Variants in VPS13B observed in about 807,000 individuals in gnomAD.
VPS13B encodes vacuolar protein sorting 13 homolog B.
Under a neutral mutation model 426.4 loss-of-function variants are expected in VPS13B, and 285 were observed. That is an observed-to-expected ratio of 0.67 (90% CI 0.61 to 0.74). The LOEUF is 0.74. VPS13B is among the 30% of genes least tolerant of loss of function. The pLI, the probability that VPS13B is intolerant of heterozygous loss-of-function variation, is 0.00. For synonymous variants in VPS13B, 1,676 were observed against 1,676.4 expected, an observed-to-expected ratio of 1.00 and a Z score of 0.01; for missense variants, 4,537 against 4,782.6, an observed-to-expected ratio of 0.95 and a Z score of 1.51.
At chr8:99,663,129 A>G (rs1250872526) in intron 35 of VPS13B, among the ~76,000 whole-genome samples, 1 of 152,188 alleles carries the variant, frequency 6.6e-6, no homozygotes, top group African/African-American at 2.4e-5. Flanking sequence ...CCCGCAAGGC[A>G]TGAATTTTAA....
intron 27 of VPS13B, among the ~76,000 whole-genome samples, chr8:99,504,102 C>T (rs1269096736): frequency 1.3e-5 from 2 of 152,156 alleles, no homozygotes; most frequent in Non-Finnish European, 2.9e-5. Context: ...CTTGGTGCCT[C>T]CCCATGGTGA....
chr8:99,117,354 T>C (rs1847710041), intron 7 of VPS13B, among the ~76,000 whole-genome samples: 1 of 152,108 alleles, frequency 6.6e-6, no homozygotes, highest in Non-Finnish European at 1.5e-5. Flanking sequence ...GAGTGTAAAA[T>C]GGTATAGTTG....
chr8:99,214,977 A>C (rs1815306307), intron 17 of VPS13B, among the ~76,000 whole-genome samples: 1 of 152,110 alleles, frequency 6.6e-6, no homozygotes, highest in Non-Finnish European at 1.5e-5. Flanking sequence ...CTCTCTATTT[A>C]ATCTATTTAT....
At chr8:99,623,399 T>C (rs1266008082) in intron 33 of VPS13B, among the ~76,000 whole-genome samples, 1 of 152,196 alleles carries the variant, frequency 6.6e-6, no homozygotes, top group African/African-American at 2.4e-5. Flanking sequence ...ACATACTGCA[T>C]ATTATTTACT....
intron 33 of VPS13B, among the ~76,000 whole-genome samples, chr8:99,630,598 T>TTTCC (rs1828805177): frequency 1.4e-5 from 2 of 140,358 alleles, no homozygotes; most frequent in African/African-American, 2.5e-5. Flanking sequence ...TCCCTCCTTC[T>TTTCC]TTCCTTCCTT....
intron 15 of VPS13B, 139 bp from the exon 16 acceptor site, chr8:99,169,900 T>A: frequency 1.0e-6 from 1 of 983,726 alleles, no homozygotes; most frequent in Non-Finnish European, 1.6e-6. Context: ...AAAATGTTGA[T>A]CGTTTGGGAA....
At chr8:99,641,083 T>C (rs1829338506) in intron 33 of VPS13B, among the ~76,000 whole-genome samples, 1 of 152,194 alleles carries the variant, frequency 6.6e-6, no homozygotes, top group South Asian at 2.1e-4. Context: ...TTGCTCTTTG[T>C]TCTATACATG....
chr8:99,167,232 G>A (rs1319562095), intron 15 of VPS13B, among the ~76,000 whole-genome samples: 1 of 151,966 alleles, frequency 6.6e-6, no homozygotes, highest in Admixed American at 6.6e-5. Context: ...TTCACAAGGT[G>A]TTCATTATTA....
At chr8:99,803,767 G>A (rs1227298769) in intron 43 of VPS13B, among the ~76,000 whole-genome samples, 5 of 152,158 alleles carry the variant, frequency 3.3e-5, no homozygotes, top group Non-Finnish European at 7.4e-5. Flanking sequence ...TAGTAGTGTG[G>A]AATGTACTAT....
At chr8:99,180,289 T>C (rs1206931969) in intron 16 of VPS13B, among the ~76,000 whole-genome samples, 1 of 152,212 alleles carries the variant, frequency 6.6e-6, no homozygotes, top group Admixed American at 6.5e-5. Flanking sequence ...GTATAGTATA[T>C]AGGCCATTCC....
rs755304703 is a variant in VPS13B at position 99,821,367 on chromosome 8, A to C, written c.9068A>C (p.His3023Pro). The C allele has an allele frequency of 6.2e-7, 1 of 1,613,908 alleles. No homozygotes were observed. Among genetic ancestry groups the C allele is most frequent in the South Asian group, 1.1e-5 (1 of 91,078 alleles). ...AAGTCAGTAGCAATTAAACTGGTCCATAACCTGACATCTCCAAAGTGGAAA... is the reference window on the plus strand; with the variant it reads ...AAGTCAGTAGCAATTAAACTGGTCCCTAACCTGACATCTCCAAAGTGGAAA... Reference protein sequence around the residue: ...VHKSVAIKLVHNLTSPKWKDG... With the variant: ...VHKSVAIKLVPNLTSPKWKDG... The change falls in exon 50 of 62, where the codon CAT (histidine) becomes CCT (proline). Residue 3023 changes from histidine to proline, a missense_variant. His to Pro is a moderately conservative substitution (Grantham distance 77, BLOSUM62 -2). Coordinates refer to ENST00000357162, the MANE Select transcript of VPS13B (RefSeq NM_152564.5).
chr8:99,483,875 A>G (rs1416528768), intron 25 of VPS13B, among the ~76,000 whole-genome samples: 2 of 152,148 alleles, frequency 1.3e-5, no homozygotes, highest in African/African-American at 4.8e-5. Flanking sequence ...TACAAGGTAT[A>G]GTGTGAATCC....
chr8:99,860,622 C>T (rs1477332764), intron 57 of VPS13B, among the ~76,000 whole-genome samples: 2 of 152,154 alleles, frequency 1.3e-5, no homozygotes, highest in Non-Finnish European at 2.9e-5. Flanking sequence ...AGATATTTTT[C>T]TTTTCAGATT....
intron 39 of VPS13B, among the ~76,000 whole-genome samples, chr8:99,758,158 AATAG>A (rs1414410581): frequency 6.6e-6 from 1 of 152,218 alleles, no homozygotes; most frequent in Non-Finnish European, 1.5e-5. Flanking sequence ...AGTTATTTTA[AATAG>A]ATCACACAAA....
chr8:99,264,850 C>G (rs914189469), intron 17 of VPS13B, among the ~76,000 whole-genome samples: 3 of 152,012 alleles, frequency 2.0e-5, no homozygotes, highest in African/African-American at 7.2e-5. Flanking sequence ...ATAGTTCCTT[C>G]TAGACCTTTT....
chr8:99,661,048 A>G (rs1479322891), intron 34 of VPS13B, among the ~76,000 whole-genome samples: 1 of 152,080 alleles, frequency 6.6e-6, no homozygotes, highest in Non-Finnish European at 1.5e-5. Flanking sequence ...CAACCATTAA[A>G]CTGTAAACAG....
intron 42 of VPS13B, among the ~76,000 whole-genome samples, chr8:99,780,153 C>G (rs541591502): frequency 1.3e-5 from 2 of 151,782 alleles, no homozygotes; most frequent in Admixed American, 1.3e-4. Flanking sequence ...AAAGGACATG[C>G]GTAAAATAAG....
At chr8:99,615,802 C>T (rs913796427) in intron 33 of VPS13B, among the ~76,000 whole-genome samples, 1 of 151,908 alleles carries the variant, frequency 6.6e-6, no homozygotes, top group Non-Finnish European at 1.5e-5. Context: ...CCTTTCAGTT[C>T]GAGAATTCAG....
chr8:99,322,897 T>G (rs1042602409), intron 19 of VPS13B, among the ~76,000 whole-genome samples: 9 of 152,246 alleles, frequency 5.9e-5, no homozygotes, highest in African/African-American at 2.2e-4. Context: ...TGTGTTATCT[T>G]CTGCACTCTG....
Sources: gnomAD v4.1 joint callset for allele counts (sites outside exome capture counted in the v4.1 genomes callset) on GRCh38, gnomAD v4.1.1 for gene constraint, MANE v1.5 for transcripts, NCBI Gene and HGNC (gene_info 2026-07-23, HGNC 2026-07-21) for gene names.